The following PSMA1 variants were observed in gnomAD, a reference collection of about 807,000 sequenced individuals.
PSMA1 encodes the protein proteasome 20S subunit alpha 1, also known as proteasome subunit alpha type-1.
PSMA1 carries 3 observed loss-of-function variants against 38.4 expected under a neutral mutation model. The observed-to-expected ratio is 0.08, with a 90% CI of 0.04 to 0.20. PSMA1 has a LOEUF of 0.20. Ranked by LOEUF, PSMA1 falls within the 10% of genes least tolerant of loss-of-function variation. The probability of loss-of-function intolerance (pLI) is 1.00; values close to 1 mark genes in which losing one functional copy is unlikely to be tolerated. For synonymous variants in PSMA1, 101 were observed against 107.1 expected (o/e 0.94, Z 0.35); for missense variants, 227 against 325.3 (o/e 0.70, Z 2.32).
At chr11:14,505,336 T>A (rs1554966270) in intron 9 of PSMA1, 88 bp from the exon 10 acceptor site, 1 of 1,173,512 alleles carries the variant, frequency 8.5e-7, no homozygotes. Flanking sequence ...TTATTAAAAA[T>A]TGAGAAAAAG....
At chr11:14,574,529 T>C (rs1318860871) in intron 2 of PSMA1, among the ~76,000 whole-genome samples, 1 of 152,156 alleles carries the variant, frequency 6.6e-6, no homozygotes, top group Non-Finnish European at 1.5e-5. Flanking sequence ...CTCACCCAAA[T>C]CTCATCTTGA....
intron 2 of PSMA1, among the ~76,000 whole-genome samples, chr11:14,574,176 G>C (rs1330111260): frequency 6.6e-6 from 1 of 152,230 alleles, no homozygotes; most frequent in Non-Finnish European, 1.5e-5. Flanking sequence ...ATCTCAAAGA[G>C]AGGGAAGTAC....
At chr11:14,558,585 G>A (rs1851969065) in intron 2 of PSMA1, among the ~76,000 whole-genome samples, 1 of 152,244 alleles carries the variant, frequency 6.6e-6, no homozygotes, top group Non-Finnish European at 1.5e-5. Flanking sequence ...CTATAAATGG[G>A]AGAACGAATT....
intron 4 of PSMA1, among the ~76,000 whole-genome samples, chr11:14,514,813 G>A (rs375469679): frequency 1.3e-5 from 2 of 152,264 alleles, no homozygotes; most frequent in African/African-American, 2.4e-5. Context: ...CTGTCAGCAA[G>A]CTTGTCGTAA....
At chr11:14,507,388 C>T (rs908083116) in intron 9 of PSMA1, among the ~76,000 whole-genome samples, 2 of 151,962 alleles carry the variant, frequency 1.3e-5, no homozygotes, top group Non-Finnish European at 2.9e-5. Flanking sequence ...GGATGGTCTC[C>T]ATCTGTTGAC....
At chr11:14,614,060 T>C (rs1403242033) in intron 1 of PSMA1, among the ~76,000 whole-genome samples, 1 of 152,212 alleles carries the variant, frequency 6.6e-6, no homozygotes, top group African/African-American at 2.4e-5. Context: ...CAATTGCATG[T>C]CACTGGGATA....
chr11:14,576,806 A>G lies in PSMA1; in HGVS notation c.21+34160T>C, dbSNP rs528051064. Among the ~76,000 whole-genome samples the G allele has an allele frequency of 2.0e-4, 30 of 152,258 alleles. No homozygotes were observed. In the South Asian group the frequency reaches 6.0e-3, roughly 31 times the overall value. On this transcript the variant is annotated intron_variant, in intron 2 of 10. Coordinates refer to the PSMA1 transcript ENST00000418988. ...GTGAACTTTAAAGTAGTTTTTTCCAATTCTGTGAAGAAAGTCATTGGTAGC... is the reference window on the plus strand; with the variant it reads ...GTGAACTTTAAAGTAGTTTTTTCCAGTTCTGTGAAGAAAGTCATTGGTAGC...
rs368136019 is a variant in PSMA1, at chr11:14,508,342, T to G, written c.625-576A>C. On this transcript the variant is annotated intron_variant, in intron 8 of 9. Coordinates refer to ENST00000396394, the MANE Select transcript of PSMA1 (RefSeq NM_002786.4). ...TCTTTCCTGTACCTATGTCCCTAGA[T>G]TCTCTCCTTTCCCATTAAAACTTCC... is the stretch of plus-strand genomic sequence containing the variant. 5.9e-5 allele frequency among the ~76,000 whole-genome samples: 9 copies of G among 152,130 alleles called. No homozygotes were observed. The East Asian group carries it at 1.4e-3, about 23-fold the overall frequency.
At chr11:14,529,756 C>G (rs1175588631) in intron 2 of PSMA1, among the ~76,000 whole-genome samples, 1 of 152,216 alleles carries the variant, frequency 6.6e-6, no homozygotes, top group African/African-American at 2.4e-5. Flanking sequence ...TATATTTCAT[C>G]TGGCTATCAG....
chr11:14,520,485 A>AC (rs1851510923), upstream of PSMA1: 1 of 1,462,960 alleles, frequency 6.8e-7, no homozygotes, highest in Admixed American at 2.5e-5. Context: ...AAACTTTCCG[A>AC]CCGCTCGGCG....
chr11:14,576,639 ATC>A (rs1852220158), intron 2 of PSMA1, among the ~76,000 whole-genome samples: 1 of 152,102 alleles, frequency 6.6e-6, no homozygotes, highest in Non-Finnish European at 1.5e-5. Context: ...ATTGATCTAT[ATC>A]TCTGTTTTGG....
At chr11:14,626,967 T>A (rs1420362611) in intron 1 of PSMA1, among the ~76,000 whole-genome samples, 1 of 152,190 alleles carries the variant, frequency 6.6e-6, no homozygotes, top group Admixed American at 6.5e-5. Context: ...AAGTTCAAGA[T>A]CAAGGTGCTG....
Position 14,542,542 on chromosome 11 carries a change from A to C in PSMA1, c.22-23501T>G, listed in dbSNP as rs1048552705. ...AAAACATTTCACAAAGCTCTGGCTGAGCCCTCCCATGATTGCCAGACAATG... is the reference window on the plus strand; with the variant it reads ...AAAACATTTCACAAAGCTCTGGCTGCGCCCTCCCATGATTGCCAGACAATG... On this transcript the variant is annotated intron_variant, in intron 2 of 10. Coordinates refer to the PSMA1 transcript ENST00000418988. Among the ~76,000 whole-genome samples the C allele has an allele frequency of 2.5e-4, 38 of 152,238 alleles. 1 individual carries two copies.
At chr11:14,608,252 G>A (rs536154081) in intron 2 of PSMA1, among the ~76,000 whole-genome samples, 1 of 152,208 alleles carries the variant, frequency 6.6e-6, no homozygotes, top group African/African-American at 2.4e-5. Flanking sequence ...CTGGGAGACT[G>A]AGGCAGGAGG....
intron 1 of PSMA1, among the ~76,000 whole-genome samples, chr11:14,612,980 C>T (rs898282566): frequency 2.0e-5 from 3 of 152,020 alleles, no homozygotes; most frequent in Non-Finnish European, 4.4e-5. Flanking sequence ...CAAGGAACTA[C>T]ATTAAGATGG....
chr11:14,525,962 A>G (rs953240659), intron 2 of PSMA1, among the ~76,000 whole-genome samples: 1 of 152,186 alleles, frequency 6.6e-6, no homozygotes, highest in Non-Finnish European at 1.5e-5. Flanking sequence ...CTTCTCAACA[A>G]GACACCCTCC....
chr11:14,640,145 A>T (rs1419834632), intron 1 of PSMA1, among the ~76,000 whole-genome samples: 1 of 152,220 alleles, frequency 6.6e-6, no homozygotes, highest in Non-Finnish European at 1.5e-5. Context: ...TAGGAGAAGT[A>T]AAAGAAGTTA....
At chr11:14,561,318 T>G (rs2134173181) in intron 2 of PSMA1, among the ~76,000 whole-genome samples, 1 of 152,322 alleles carries the variant, frequency 6.6e-6, no homozygotes, top group South Asian at 2.1e-4. Context: ...CTTTATAACA[T>G]TACCTGAGAC....
At chr11:14,640,493 T>C (rs1244085408) in intron 1 of PSMA1, among the ~76,000 whole-genome samples, 2 of 152,238 alleles carry the variant, frequency 1.3e-5, no homozygotes, top group Admixed American at 6.5e-5. Context: ...GGACCTGTTA[T>C]AGTTTTAAAA....
Sources: allele counts gnomAD v4.1 joint callset (sites outside exome capture counted in the v4.1 genomes callset), GRCh38; gene constraint gnomAD v4.1.1; transcripts MANE v1.5; gene names NCBI Gene and HGNC (gene_info 2026-07-23, HGNC 2026-07-21).